The following MYLK3 variants were observed in gnomAD, a reference collection of about 807,000 sequenced individuals.
The protein encoded by MYLK3 is MLC kinase.
Under a neutral mutation model 76.3 loss-of-function variants are expected in MYLK3, and 55 were observed. The ratio of observed to expected loss-of-function variants is 0.72; its 90% confidence interval spans 0.58 to 0.90. The LOEUF (loss-of-function observed/expected upper bound fraction) is 0.90. MYLK3 is among the 40% of genes least tolerant of loss of function. MYLK3 has a pLI of 0.00. For synonymous variants in MYLK3, 416 were observed against 425.4 expected (o/e 0.98, Z 0.27); for missense variants, 973 against 1,053.6 (o/e 0.92, Z 1.06).
At chr16:46,751,601 G>A (rs1596777072), upstream of MYLK3, among the ~76,000 whole-genome samples, 1 of 152,178 alleles carries the variant, frequency 6.6e-6, no homozygotes, top group Non-Finnish European at 1.5e-5. Flanking sequence ...GTTCAACATG[G>A]AGGAATGAGC....
At chr16:46,722,795 C>T (rs1173519057) in intron 8 of MYLK3, among the ~76,000 whole-genome samples, 1 of 152,148 alleles carries the variant, frequency 6.6e-6, no homozygotes, top group African/African-American at 2.4e-5. Context: ...CTGCAACCTC[C>T]GCCTCCCAGG....
intron 1 of MYLK3, among the ~76,000 whole-genome samples, chr16:46,746,318 C>T (rs776431870): frequency 3.1e-4 from 47 of 152,234 alleles, no homozygotes; most frequent in Admixed American, 7.2e-4. Context: ...ATGCTCAGTA[C>T]GGACACACCA....
rs1390864091 is a variant in MYLK3 at position 46,706,729 on chromosome 16, G to A, written c.*975C>T. 6.6e-6 allele frequency: 1 copy of A among 152,264 alleles called. No individual in the cohort carries two copies. The highest frequency in any genetic ancestry group is 2.4e-5 in the African/African-American group (1 of 41,460). The allele number at this position is 152,264 out of a possible 1,614,324, so 9.4% of individuals were successfully genotyped here. ...TTCATCTTCATCATCTTCCTGTTGAGTAGGCTGCAGAGTGGGATGAAGAGG... is the reference window on the plus strand; with the variant it reads ...TTCATCTTCATCATCTTCCTGTTGAATAGGCTGCAGAGTGGGATGAAGAGG... On this transcript the variant is annotated 3_prime_UTR_variant, in exon 13 of 13. Coordinates refer to ENST00000394809, the MANE Select transcript of MYLK3 (RefSeq NM_182493.3).
At chr16:46,721,023 C>A in intron 9 of MYLK3, 100 bp downstream of exon 9, 1 of 1,069,296 alleles carries the variant, frequency 9.4e-7, no homozygotes, top group South Asian at 1.3e-5. Flanking sequence ...TGCATCAGTT[C>A]CAAAACTCAA....
Position 46,712,640 on chromosome 16 carries a change from G to A in MYLK3, c.2114+8C>T. ...CCCCACTTCAGAGCCAGGGTGCTAA[G>A]CACTCACAGCATGTAGGTGATGACT... On this transcript the variant is annotated splice_region_variant and intron_variant, in intron 10 of 12. Transcript: ENST00000394809. 6.7e-7 allele frequency: 1 copy of A among 1,487,848 alleles called. No homozygotes were observed. The highest frequency in any genetic ancestry group is 1.4e-5 in the South Asian group (1 of 71,766). The allele number at this position is 1,487,848 out of a possible 1,614,324, so 92.2% of individuals were successfully genotyped here. A position where few individuals can be genotyped will look rare whatever the true frequency, so the allele number is the denominator to read the frequency against.
At position 46,737,769 on chromosome 16, in the gene MYLK3, G is replaced by A. The variant is rs1325989776; in HGVS notation, c.943C>T (p.Pro315Ser). The change falls in exon 3 of 13, where the codon CCT becomes TCT. Residue 315 changes from proline to serine, a missense_variant. By Grantham distance (74) the Pro-to-Ser change is moderately conservative. Coordinates refer to ENST00000394809, the MANE Select transcript of MYLK3 (RefSeq NM_182493.3). Reference sequence around the variant, plus strand: ...CTGGCCTGGGCTGGCAGCCCTGGAGGCCCTGGGCACTGAGGGCCAGGCCCT... The same window carrying A: ...CTGGCCTGGGCTGGCAGCCCTGGAGACCCTGGGCACTGAGGGCCAGGCCCT... ...TPGPGPQCPG[P>S]PGLPAQARAT... is the part of the protein sequence containing the mutation. 6.2e-7 allele frequency: 1 copy of A among 1,611,500 alleles called. No homozygotes were observed. Among genetic ancestry groups the A allele is most frequent in the Non-Finnish European group, 8.5e-7 (1 of 1,179,754 alleles).
intron 9 of MYLK3, among the ~76,000 whole-genome samples, chr16:46,716,323 TAGAC>T (rs930389446): frequency 1.4e-4 from 21 of 151,944 alleles, no homozygotes; most frequent in East Asian, 3.9e-4. Context: ...GATAGATAGA[TAGAC>T]AGATAGATGT....
chr16:46,729,240 CTAT>C, intron 6 of MYLK3, 107 bp from the exon 7 acceptor site: 1 of 857,602 alleles, frequency 1.2e-6, no homozygotes, highest in African/African-American at 1.6e-5. Context: ...CCTTAGTTTC[CTAT>C]TCTCACACCA....
At chr16:46,722,470 T>C in intron 8 of MYLK3, among the ~76,000 whole-genome samples, 1 of 152,244 alleles carries the variant, frequency 6.6e-6, no homozygotes, top group East Asian at 1.9e-4. Flanking sequence ...GTTATTTATG[T>C]TACAATGGGG....
At chr16:46,746,613 C>T (rs74495982) in intron 1 of MYLK3, among the ~76,000 whole-genome samples, 3,860 of 152,130 alleles carry the variant, frequency 0.025, 67 homozygotes, top group Non-Finnish European at 0.036. Context: ...TTTGTAGAGA[C>T]GGGGTCTTCC....
At chr16:46,709,930 G>T (rs922985907) in intron 11 of MYLK3, among the ~76,000 whole-genome samples, 16 of 152,196 alleles carry the variant, frequency 1.1e-4, no homozygotes, top group African/African-American at 3.9e-4. Flanking sequence ...CTTCCCAGAG[G>T]GGGCTGAGAA....
chr16:46,740,016 G>T, intron 2 of MYLK3, 41 bp downstream of exon 2: 1 of 1,420,102 alleles, frequency 7.0e-7, no homozygotes, highest in Non-Finnish European at 9.9e-7. Flanking sequence ...TGAAGCTGTT[G>T]TGTCTGCAAT....
At position 46,733,023 on chromosome 16, in the gene MYLK3, C is replaced by T. The variant is rs1332046738; in HGVS notation, c.1002-355G>A. Among the ~76,000 whole-genome samples, 3 of 152,314 alleles carry T rather than the reference C, an allele frequency of 2.0e-5. No individual in the cohort carries two copies. In the East Asian group the frequency reaches 5.8e-4, roughly 29 times the overall value. ...AAATGAAGATAAGGAGAAACCAACT[C>T]AAACGTCACACTGGAAGCCCCAGAT... is the stretch of plus-strand genomic sequence containing the variant. On this transcript the variant is annotated intron_variant, in intron 3 of 12. Transcript: ENST00000394809.
chr16:46,729,762 C>A, intron 5 of MYLK3, 75 bp from the exon 6 acceptor site: 1 of 1,311,740 alleles, frequency 7.6e-7, no homozygotes, highest in Non-Finnish European at 1.1e-6. Flanking sequence ...CTTCTGGGTC[C>A]AACTCATCCA....
chr16:46,743,631 C>T (rs902373001), intron 1 of MYLK3, among the ~76,000 whole-genome samples: 1 of 152,184 alleles, frequency 6.6e-6, no homozygotes, highest in African/African-American at 2.4e-5. Context: ...GCAGGACAGA[C>T]GGGAAATGGC....
At chr16:46,726,722 AAAGAAAG>A (rs1567284926) in intron 8 of MYLK3, 27 of 148,520 alleles carry the variant, frequency 1.8e-4, no homozygotes, top group Admixed American at 6.0e-4. Context: ...AGAAAGAAAG[AAAGAAAG>A]AAAGAAAAGA....
intron 9 of MYLK3, among the ~76,000 whole-genome samples, chr16:46,716,246 A>C (rs1187364356): frequency 1.3e-5 from 2 of 152,068 alleles, no homozygotes; most frequent in Non-Finnish European, 2.9e-5. Flanking sequence ...GCCCTTGACC[A>C]GGTTAAGGAA....
chr16:46,712,508 C>T, intron 10 of MYLK3, 140 bp downstream of exon 10: 1 of 647,060 alleles, frequency 1.5e-6, no homozygotes, highest in Non-Finnish European at 2.3e-6. Context: ...CCCCATCTCA[C>T]TACCCTATTC....
chr16:46,732,627 A>G lies in MYLK3; in HGVS notation c.1043T>C (p.Met348Thr), dbSNP rs1307355631. ...AAGGCTGCCCCTGCCTGTCATCAGCATCTCCCCAGGAGTATCCATCTCTTG... is the reference window on the plus strand; with the variant it reads ...AAGGCTGCCCCTGCCTGTCATCAGCGTCTCCCCAGGAGTATCCATCTCTTG... Reference protein sequence around the residue: ...HIQEMDTPGEMLMTGRGSLGP... With the variant: ...HIQEMDTPGETLMTGRGSLGP... The change falls in exon 4 of 13, where the codon ATG (methionine) becomes ACG (threonine). Residue 348 changes from methionine to threonine, a missense_variant. Met to Thr is a moderately conservative substitution (Grantham distance 81). Around this residue, in one of 2 missense-constraint regions of MYLK3, gnomAD observed 641 missense variants for 637.0 expected, o/e 1.01. Transcript: ENST00000394809. 2.6e-6 allele frequency: 4 copies of G among 1,567,288 alleles called. No individual in the cohort carries two copies. The highest frequency in any genetic ancestry group is 2.7e-5 in the African/African-American group (2 of 73,986).
Sources: gnomAD v4.1 joint callset for allele counts (sites outside exome capture counted in the v4.1 genomes callset) on GRCh38, gnomAD v4.1.1 for gene constraint, gnomAD v4.1.1 regional missense constraint, MANE v1.5 for transcripts, NCBI Gene and HGNC (gene_info 2026-07-23, HGNC 2026-07-21) for gene names.